The following WDR31 variants were observed in gnomAD, a reference collection of about 807,000 sequenced individuals.
The protein encoded by WDR31 is WD repeat-containing protein 31.
A neutral mutation model predicts 47.3 loss-of-function variants in WDR31; 30 were observed. The observed-to-expected ratio is 0.63, with a 90% CI of 0.47 to 0.86. WDR31 has a LOEUF of 0.86. Ranked by LOEUF, WDR31 falls within the 40% of genes least tolerant of loss-of-function variation. The probability of loss-of-function intolerance (pLI) is 0.00; values close to 1 mark genes in which losing one functional copy is unlikely to be tolerated. For synonymous variants in WDR31, 137 were observed against 159.4 expected (o/e 0.86, Z 1.06); for missense variants, 406 against 442.9 (o/e 0.92, Z 0.75).
chr9:113,336,623 T>A (rs1280720710), intron 1 of WDR31, among the ~76,000 whole-genome samples, 183 bp from the exon 2 acceptor site: 1 of 152,228 alleles, frequency 6.6e-6, no homozygotes, highest in East Asian at 1.9e-4. Flanking sequence ...ATGCAAAATA[T>A]ATTTAAATAC....
chr9:113,335,309 C>T (rs1306615149), intron 2 of WDR31, among the ~76,000 whole-genome samples: 1 of 152,158 alleles, frequency 6.6e-6, no homozygotes, highest in African/African-American at 2.4e-5. Flanking sequence ...TGAACATTTG[C>T]TGGGACCGAA....
chr9:113,334,428 T>C (rs1833672411), intron 2 of WDR31, among the ~76,000 whole-genome samples: 1 of 152,224 alleles, frequency 6.6e-6, no homozygotes. Flanking sequence ...GTATATTTAT[T>C]TTTCATAAAA....
Position 113,328,970 on chromosome 9 carries a change from G to A in WDR31, c.250-15C>T. ...GCCACAACTGTCTGAAGAGAGTGAA[G>A]ATTGTAGTTTCATTACTCAATTCTT... On this transcript the variant is annotated splice_polypyrimidine_tract_variant and intron_variant, in intron 4 of 10. Coordinates refer to ENST00000374193, the MANE Select transcript of WDR31 (RefSeq NM_001012361.4). 1 of 1,609,216 alleles carries A rather than the reference G, an allele frequency of 6.2e-7. No homozygotes were observed. The highest frequency in any genetic ancestry group is 8.5e-7 in the Non-Finnish European group (1 of 1,175,708).
chr9:113,337,670 T>C (rs909534549), intron 1 of WDR31, among the ~76,000 whole-genome samples: 51 of 152,126 alleles, frequency 3.4e-4, no homozygotes, highest in African/African-American at 1.1e-3. Flanking sequence ...TTCACCATGT[T>C]GGCCAGGCTG....
At chr9:113,318,701 C>T in intron 9 of WDR31, 64 bp from the exon 10 acceptor site, 2 of 1,563,066 alleles carry the variant, frequency 1.3e-6, no homozygotes, top group Non-Finnish European at 1.8e-6. Context: ...GAATATCTAT[C>T]TCCCCCTACC....
intron 3 of WDR31, among the ~76,000 whole-genome samples, chr9:113,331,436 T>C (rs1833594935): frequency 6.6e-6 from 1 of 152,142 alleles, no homozygotes; most frequent in Non-Finnish European, 1.5e-5. Context: ...GTGCAGACAC[T>C]AGCTAATAAA....
chr9:113,332,765 C>T (rs1484967389), intron 2 of WDR31, among the ~76,000 whole-genome samples: 2 of 152,114 alleles, frequency 1.3e-5, no homozygotes, highest in Admixed American at 1.3e-4. Flanking sequence ...AATTTGATCC[C>T]CAATGTTGGA....
chr9:113,319,160 T>C (rs750892986), intron 9 of WDR31, among the ~76,000 whole-genome samples: 1 of 152,240 alleles, frequency 6.6e-6, no homozygotes, highest in Non-Finnish European at 1.5e-5. Context: ...GACTAGCGTC[T>C]ACAAGAGGGA....
chr9:113,326,676 G>A (rs1237949746), intron 5 of WDR31, among the ~76,000 whole-genome samples: 1 of 152,176 alleles, frequency 6.6e-6, no homozygotes, highest in African/African-American at 2.4e-5. Context: ...GTCTTGCTAT[G>A]TTGCCCAGGC....
intron 5 of WDR31, among the ~76,000 whole-genome samples, chr9:113,323,563 CCA>C (rs1015359015): frequency 7.2e-5 from 11 of 152,170 alleles, no homozygotes; most frequent in African/African-American, 2.4e-4. Flanking sequence ...TGCCCGGCCC[CCA>C]CACACACTTC....
rs57088850 is a variant in WDR31, at chr9:113,324,828, ATGTGTGTGTGTGTG to A, written c.325-1687_325-1674del. ...ATAAACAATGCTGCTATATATATATATGTGTGTGTGTGTGTGTGTGTGTGTGTGTGTGTGTGTGT... is the reference window on the plus strand; with the variant it reads ...ATAAACAATGCTGCTATATATATATATGTGTGTGTGTGTGTGTGTGTGTGT... On this transcript the variant is annotated intron_variant, in intron 5 of 10. Coordinates refer to ENST00000374193, the MANE Select transcript of WDR31 (RefSeq NM_001012361.4). Among the ~76,000 whole-genome samples the A allele has an allele frequency of 4.2e-3, 586 of 138,198 alleles. 2 individuals are homozygous for A. The highest frequency in any genetic ancestry group is 0.011 in the African/African-American group (396 of 36,988). 90.7% of individuals were successfully genotyped at this position (138,198 alleles called of 152,430 possible). A position where few individuals can be genotyped will look rare whatever the true frequency, so the allele number is the denominator to read the frequency against.
intron 2 of WDR31, among the ~76,000 whole-genome samples, chr9:113,334,703 CTTTTTTTTT>C (rs71367719): frequency 1.6e-5 from 1 of 63,010 alleles, no homozygotes; most frequent in African/African-American, 6.6e-5. Context: ...CTACATCAGG[CTTTTTTTTT>C]TTTTTTTTTT....
At chr9:113,326,413 T>G (rs1391280076) in intron 5 of WDR31, among the ~76,000 whole-genome samples, 1 of 145,754 alleles carries the variant, frequency 6.9e-6, no homozygotes, top group Non-Finnish European at 1.5e-5. Context: ...CTTTCCGTCC[T>G]TCTTTCTTTC....
chr9:113,322,368 A>C (rs1447294388), intron 7 of WDR31, among the ~76,000 whole-genome samples: 3 of 152,128 alleles, frequency 2.0e-5, no homozygotes, highest in Non-Finnish European at 4.4e-5. Flanking sequence ...TGCTACTAGA[A>C]AACAACTGGT....
At chr9:113,323,216 T>C (rs1833372864) in intron 5 of WDR31, 61 bp from the exon 6 acceptor site, 11 of 1,558,228 alleles carry the variant, frequency 7.1e-6, no homozygotes, top group Admixed American at 1.9e-5. Flanking sequence ...GACTGGACTT[T>C]AAATTGGGGG....
chr9:113,337,554 C>G (rs1315384728), intron 1 of WDR31, among the ~76,000 whole-genome samples: 1 of 151,440 alleles, frequency 6.6e-6, no homozygotes, highest in Non-Finnish European at 1.5e-5. Flanking sequence ...CAACCTCCAC[C>G]TCCCAGGTTC....
intron 9 of WDR31, 129 bp from the exon 10 acceptor site, chr9:113,318,766 TCATCCATCCACAGACCCAACAACC>T (rs2118773354): frequency 6.5e-6 from 6 of 925,930 alleles, no homozygotes; most frequent in South Asian, 4.8e-5. Context: ...CCCCTTATCT[TCATCCATCCACAGACCCAACAACC>T]CATCCATCCA....
chr9:113,320,182 A>G (rs903018457), intron 9 of WDR31, among the ~76,000 whole-genome samples, 175 bp downstream of exon 9: 14 of 152,168 alleles, frequency 9.2e-5, no homozygotes, highest in African/African-American at 2.7e-4. Context: ...GGCCTCCCCT[A>G]TGAATGTTTC....
chr9:113,326,387 TTTTC>T (rs1032343819), intron 5 of WDR31, among the ~76,000 whole-genome samples: 6 of 151,924 alleles, frequency 3.9e-5, no homozygotes, highest in African/African-American at 1.2e-4. Context: ...TTTCTCTTTC[TTTTC>T]TTTCTTTCCT....
Sources: gnomAD v4.1 joint callset for allele counts (sites outside exome capture counted in the v4.1 genomes callset) on GRCh38, gnomAD v4.1.1 for gene constraint, MANE v1.5 for transcripts, NCBI Gene and HGNC (gene_info 2026-07-23, HGNC 2026-07-21) for gene names.